The following SMAD4 variants were observed in gnomAD, a reference collection of about 807,000 sequenced individuals.
SMAD4 encodes the protein MAD homolog 4.
In SMAD4, 7 loss-of-function variants were observed where a neutral mutation model predicts 63.2. The observed-to-expected ratio is 0.11, with a 90% CI of 0.06 to 0.21. SMAD4 has a LOEUF of 0.21. SMAD4 is among the 10% of genes least tolerant of loss of function. The pLI is 1.00. For missense variants in SMAD4, 312 were observed against 693.8 expected (o/e 0.45, Z 6.18); for synonymous variants, 215 against 235.4 (o/e 0.91, Z 0.79).
At chr18:51,060,047 T>C (rs1005336867) in intron 8 of SMAD4, 131 bp downstream of exon 8, 1 of 730,378 alleles carries the variant, frequency 1.4e-6, no homozygotes, top group South Asian at 1.5e-5. Flanking sequence ...TGACATGAGT[T>C]AATCAACAGT....
rs780090544 is a variant in SMAD4 at position 51,047,192 on chromosome 18, A to G, written c.146A>G (p.Glu49Gly). The change falls in exon 2 of 12, where the codon GAG (glutamate) becomes GGG (glycine). Residue 49 changes from glutamate (E) to glycine (G), a missense_variant. Physicochemically the swap from Glu to Gly is moderately conservative, Grantham distance 98. Transcript: ENST00000342988. ...GAAAGTTTGGTAAAGAAGCTGAAGG[A>G]GAAAAAAGATGAATTGGATTCTTTA... is the stretch of plus-strand genomic sequence containing the variant. Reference protein sequence around the residue: ...AIESLVKKLKEKKDELDSLIT... With the variant: ...AIESLVKKLKGKKDELDSLIT... 6.2e-7 allele frequency: 1 copy of G among 1,613,972 alleles called. No homozygotes were observed. The highest frequency in any genetic ancestry group is 1.3e-5 in the African/African-American group (1 of 74,938).
intron 5 of SMAD4, among the ~76,000 whole-genome samples, chr18:51,055,699 T>G (rs547004712): frequency 5.9e-5 from 9 of 151,836 alleles, no homozygotes; most frequent in Non-Finnish European, 1.2e-4. Context: ...TGAAGTAGCT[T>G]TTTTTTCATT....
intron 4 of SMAD4, chr18:51,053,491 G>C (rs923877289): frequency 6.6e-6 from 1 of 151,940 alleles, no homozygotes; most frequent in Admixed American, 6.6e-5. Flanking sequence ...GCATCCTTTT[G>C]ATTATCTTTT....
intron 8 of SMAD4, among the ~76,000 whole-genome samples, chr18:51,063,594 G>A (rs1018540319): frequency 6.6e-6 from 1 of 151,994 alleles, no homozygotes. Flanking sequence ...TCTATTTTTC[G>A]TAGAGACGCG....
chr18:51,043,596 G>T (rs565991547), intron 1 of SMAD4, among the ~76,000 whole-genome samples: 2 of 152,150 alleles, frequency 1.3e-5, no homozygotes, highest in East Asian at 3.9e-4. Context: ...TCAGGCACTT[G>T]TGGTCATAGG....
chr18:51,054,617 G>A (rs1427791921), intron 4 of SMAD4, 164 bp from the exon 5 acceptor site: 1 of 604,548 alleles, frequency 1.7e-6, no homozygotes, highest in Non-Finnish European at 2.9e-6. Flanking sequence ...ACTTTTGCTG[G>A]TAAAGTAGTA....
rs192211531 is a variant in SMAD4, at chr18:51,053,748, A to G, written c.455-1033A>G. The G allele has an allele frequency of 1.3e-4, 20 of 152,248 alleles. No individual in the cohort carries two copies. The East Asian group carries it at 3.7e-3, about 28-fold the overall frequency. The allele number at this position is 152,248 out of a possible 1,614,324, so 9.4% of individuals were successfully genotyped here. A position where few individuals can be genotyped will look rare whatever the true frequency, so the allele number is the denominator to read the frequency against. ...TTTTCAAAGGTTGACATAGGGAAAG[A>G]TAAGGGAAATGATATGCTGGTTCTT... On this transcript the variant is annotated intron_variant, in intron 4 of 11. Transcript: ENST00000342988.
chr18:51,051,434 AATGGGACAGTTCCTTCATTTTTGAGTT>A, intron 4 of SMAD4: 1 of 455,076 alleles, frequency 2.2e-6, no homozygotes, highest in Admixed American at 2.4e-5. Flanking sequence ...AAGTTAAGAA[AATGGGACAGTTCCTTCATTTTTGAGTT>A]AAAGTCTTGT....
rs1489770946 is a variant in SMAD4, at chr18:51,083,501, T to A, written c.*5034T>A. ...ATGTAGTAAGGACTAAGGAAAACCT[T>A]TGGTGAAGACAATCATTTCTCTCTG... On this transcript the variant is annotated 3_prime_UTR_variant, in exon 12 of 12. Coordinates refer to ENST00000342988, the MANE Select transcript of SMAD4 (RefSeq NM_005359.6). The A allele has an allele frequency of 4.4e-6, 1 of 228,560 alleles. No homozygotes were observed. Among genetic ancestry groups the A allele is most frequent in the Non-Finnish European group, 8.7e-6 (1 of 115,230 alleles). The allele number at this position is 228,560 out of a possible 1,614,324, so 14.2% of individuals were successfully genotyped here.
intron 5 of SMAD4, among the ~76,000 whole-genome samples, chr18:51,056,751 C>A (rs1219626688): frequency 6.6e-6 from 1 of 151,198 alleles, no homozygotes; most frequent in African/African-American, 2.4e-5. Flanking sequence ...TATTGTTTAA[C>A]TTTATTTTAC....
At chr18:51,062,848 C>CTTGT (rs1910051747) in intron 8 of SMAD4, among the ~76,000 whole-genome samples, 1 of 83,598 alleles carries the variant, frequency 1.2e-5, no homozygotes, top group Admixed American at 1.3e-4. Context: ...TCTGGCTTTA[C>CTTGT]TTGTTTTTTT....
chr18:51,071,501 G>T (rs1355970975), intron 10 of SMAD4, among the ~76,000 whole-genome samples: 1 of 152,106 alleles, frequency 6.6e-6, no homozygotes, highest in Non-Finnish European at 1.5e-5. Context: ...TTTAAATGAA[G>T]CAAATGTTTG....
chr18:51,059,131 T>G (rs1281038622), intron 7 of SMAD4, among the ~76,000 whole-genome samples: 1 of 152,250 alleles, frequency 6.6e-6, no homozygotes, highest in Non-Finnish European at 1.5e-5. Context: ...TCCAGTCATA[T>G]AAACAGGTAT....
chr18:51,062,097 TGTTCTG>T (rs1450587452), intron 8 of SMAD4, among the ~76,000 whole-genome samples: 1 of 152,212 alleles, frequency 6.6e-6, no homozygotes, highest in African/African-American at 2.4e-5. Flanking sequence ...GGCAAATACT[TGTTCTG>T]GTTAGGGAAA....
chr18:51,070,985 T>G (rs1910300766), intron 10 of SMAD4, among the ~76,000 whole-genome samples: 1 of 152,166 alleles, frequency 6.6e-6, no homozygotes, highest in Non-Finnish European at 1.5e-5. Flanking sequence ...TATGTATGTA[T>G]AGGAAAAAAC....
chr18:51,083,883 A>G lies in SMAD4; in HGVS notation c.*5416A>G, dbSNP rs900014904. The G allele has an allele frequency of 4.3e-6, 1 of 231,310 alleles. No homozygotes were observed. Among genetic ancestry groups the G allele is most frequent in the African/African-American group, 2.2e-5 (1 of 45,218 alleles). 14.3% of individuals were successfully genotyped at this position (231,310 alleles called of 1,614,324 possible). On this transcript the variant is annotated 3_prime_UTR_variant, in exon 12 of 12. Coordinates refer to ENST00000342988, the MANE Select transcript of SMAD4 (RefSeq NM_005359.6). ...TGTTATTCAAAGGAGACTAGGCTTG[A>G]TATTTTATTACTGTTCTTTTATGGA...
intron 5 of SMAD4, among the ~76,000 whole-genome samples, chr18:51,057,304 A>G (rs532525438): frequency 4.1e-4 from 63 of 152,258 alleles, no homozygotes; most frequent in African/African-American, 1.5e-3. Flanking sequence ...GCTCTTTAAG[A>G]AACCAAATTT....
intron 1 of SMAD4, among the ~76,000 whole-genome samples, chr18:51,038,410 C>A (rs1909275334): frequency 6.6e-6 from 1 of 152,136 alleles, no homozygotes; most frequent in Non-Finnish European, 1.5e-5. Context: ...TTTATATACA[C>A]CAGAGCCAAA....
intron 1 of SMAD4, among the ~76,000 whole-genome samples, chr18:51,036,895 C>T (rs920096182): frequency 1.8e-4 from 27 of 152,192 alleles, no homozygotes; most frequent in African/African-American, 5.1e-4. Context: ...CGGTGACTCA[C>T]GCCTGTAATC....
Sources: gnomAD v4.1 joint callset for allele counts (sites outside exome capture counted in the v4.1 genomes callset) on GRCh38, gnomAD v4.1.1 for gene constraint, MANE v1.5 for transcripts, NCBI Gene and HGNC (gene_info 2026-07-23, HGNC 2026-07-21) for gene names.